The following EFCAB7 variants were observed in gnomAD, a reference collection of about 807,000 sequenced individuals.
EFCAB7 encodes EF-hand calcium-binding domain-containing protein 7.
In EFCAB7, 66 loss-of-function variants were observed where a neutral mutation model predicts 77.1. That is an observed-to-expected ratio of 0.86 (90% confidence interval 0.70 to 1.05). The LOEUF (loss-of-function observed/expected upper bound fraction) is 1.05, where lower values mean the gene tolerates loss of function less well. EFCAB7 is among the 50% of genes least tolerant of loss of function. The pLI is 0.00. For synonymous variants in EFCAB7, 225 were observed against 243.3 expected, an observed-to-expected ratio of 0.92 and a Z score of 0.70; for missense variants, 638 against 730.5, an observed-to-expected ratio of 0.87 and a Z score of 1.46.
intron 3 of EFCAB7, among the ~76,000 whole-genome samples, chr1:63,532,336 A>G (rs959655444): frequency 6.6e-6 from 1 of 152,116 alleles, no homozygotes; most frequent in African/African-American, 2.4e-5. Flanking sequence ...AAAACCAAAT[A>G]TAAATGGGAT....
intron 3 of EFCAB7, 127 bp from the exon 4 acceptor site, chr1:63,532,543 T>C (rs1471167100): frequency 6.4e-6 from 4 of 628,882 alleles, no homozygotes; most frequent in African/African-American, 5.7e-5. Flanking sequence ...ATAATACTCA[T>C]GATTTATAAT....
At chr1:63,528,829 A>G (rs571808008) in intron 2 of EFCAB7, among the ~76,000 whole-genome samples, 15 of 152,306 alleles carry the variant, frequency 9.8e-5, no homozygotes, top group African/African-American at 3.6e-4. Context: ...TGTGTTCTGT[A>G]TATGTACCAT....
chr1:63,531,268 G>A (rs895497464), intron 2 of EFCAB7, among the ~76,000 whole-genome samples: 4 of 151,866 alleles, frequency 2.6e-5, no homozygotes, highest in African/African-American at 9.7e-5. Flanking sequence ...TTCCACACAA[G>A]TGAGATACGC....
intron 8 of EFCAB7, chr1:63,554,958 T>A (rs971827389): frequency 6.8e-6 from 1 of 148,102 alleles, no homozygotes; most frequent in Non-Finnish European, 1.5e-5. Flanking sequence ...AACCATAATC[T>A]AGAATATTAT....
chr1:63,571,053 T>C lies in EFCAB7; in HGVS notation c.1740T>C (p.Asn580=). 6.2e-7 allele frequency: 1 copy of C among 1,612,312 alleles called. No individual in the cohort carries two copies. ...SDEKVIIHIS[N]ELSKNCINNR... is the part of the protein sequence containing the mutation. ...AGAAAGTGATTATTCACATCAGCAA[T>C]GAGCTAAGTAAAAACTGCATAAACA... The change falls in exon 13 of 14, where the codon AAT becomes AAC. Residue 580 remains asparagine, a synonymous_variant. Transcript: ENST00000371088.
At chr1:63,561,623 C>A (rs1196616769) in intron 10 of EFCAB7, 86 bp from the exon 11 acceptor site, 10 of 814,290 alleles carry the variant, frequency 1.2e-5, no homozygotes. Context: ...AAATAAATAT[C>A]TATGAATAAT....
Position 63,563,212 on chromosome 1 carries a change from C to G in EFCAB7, c.1497+1355C>G, listed in dbSNP as rs185213710. ...TGTCATTTACCTTTGAAACTATAAG[C>G]AAGAAGGATTTCTGAGCTAACATTT... On this transcript the variant is annotated intron_variant, in intron 11 of 13. Coordinates refer to ENST00000371088, the MANE Select transcript of EFCAB7 (RefSeq NM_032437.4). Among the ~76,000 whole-genome samples the G allele has an allele frequency of 2.6e-5, 4 of 152,220 alleles. No individual in the cohort carries two copies. The East Asian group carries it at 7.7e-4, about 29-fold the overall frequency.
chr1:63,525,376 C>A (rs541678874), intron 1 of EFCAB7, among the ~76,000 whole-genome samples, 196 bp from the exon 2 acceptor site: 91 of 152,056 alleles, frequency 6.0e-4, no homozygotes, highest in Non-Finnish European at 9.7e-4. Context: ...ATATATAATA[C>A]GTCCATATAC....
chr1:63,580,696 C>G, the EFCAB7 span, among the ~76,000 whole-genome samples: 1 of 152,130 alleles, frequency 6.6e-6, no homozygotes, highest in African/African-American at 2.4e-5. Flanking sequence ...TATGTTGACT[C>G]TTCCAATTCA....
intron 7 of EFCAB7, among the ~76,000 whole-genome samples, chr1:63,546,514 C>T (rs2100896503): frequency 6.6e-6 from 1 of 152,118 alleles, no homozygotes; most frequent in South Asian, 2.1e-4. Flanking sequence ...TACAGGTGCA[C>T]ACCACCTCGC....
intron 5 of EFCAB7, 45 bp from the exon 6 acceptor site, chr1:63,534,050 A>T: frequency 6.2e-7 from 1 of 1,608,194 alleles, no homozygotes; most frequent in Non-Finnish European, 8.5e-7. Context: ...ACTCCTATTG[A>T]CAACTTTTCA....
chr1:63,525,950 C>T (rs1191411479), intron 2 of EFCAB7, among the ~76,000 whole-genome samples, 191 bp downstream of exon 2: 1 of 152,104 alleles, frequency 6.6e-6, no homozygotes, highest in Non-Finnish European at 1.5e-5. Flanking sequence ...ATAAAACTTT[C>T]AATGTTTATA....
Position 63,534,168 on chromosome 1 carries a change from G to A in EFCAB7, c.756G>A (p.Gly252=). Residue 252 remains glycine, a synonymous_variant, in exon 6 of 14, where the codon GGG becomes GGA. Coordinates refer to ENST00000371088, the MANE Select transcript of EFCAB7 (RefSeq NM_032437.4). The part of the protein sequence containing the change: ...KTSVSFTVTM[G]ANGNRNSKLM... ...CTGTTTCCTTCACAGTTACCATGGG[G>A]GCTAATGGTAACCGAAACTCAAAGT... is the stretch of plus-strand genomic sequence containing the variant. 2.5e-6 allele frequency: 4 copies of A among 1,612,942 alleles called. No individual in the cohort carries two copies. Among genetic ancestry groups the A allele is most frequent in the Non-Finnish European group, 3.4e-6 (4 of 1,179,290 alleles).
downstream of EFCAB7, among the ~76,000 whole-genome samples, chr1:63,575,708 C>T (rs1254640324): frequency 9.2e-5 from 14 of 151,942 alleles, no homozygotes; most frequent in Non-Finnish European, 1.5e-4. Context: ...CTCAGCCTTC[C>T]GAGTAGCTGG....
chr1:63,568,665 G>T (rs958693529), intron 12 of EFCAB7, 146 bp downstream of exon 12: 14 of 570,936 alleles, frequency 2.5e-5, no homozygotes, highest in Non-Finnish European at 3.9e-5. Context: ...TTCTCCTCAG[G>T]TTTCTAACTC....
chr1:63,565,144 A>G (rs1647154589), intron 11 of EFCAB7, among the ~76,000 whole-genome samples: 3 of 152,138 alleles, frequency 2.0e-5, no homozygotes, highest in Non-Finnish European at 1.5e-5. Flanking sequence ...CAGGAGATCA[A>G]GACATCCTGG....
At chr1:63,557,760 C>G (rs1402415360) in intron 10 of EFCAB7, among the ~76,000 whole-genome samples, 1 of 152,174 alleles carries the variant, frequency 6.6e-6, no homozygotes, top group Non-Finnish European at 1.5e-5. Flanking sequence ...AAGAAAATCA[C>G]TGAGAATGAG....
At position 63,533,644 on chromosome 1, in the gene EFCAB7, A is replaced by T. The variant is rs766922228; in HGVS notation, c.677A>T (p.Asn226Ile). The change falls in exon 5 of 14, where the codon AAT becomes ATT. Residue 226 changes from asparagine to isoleucine, a missense_variant. Physicochemically the swap from Asn to Ile is moderately radical, Grantham distance 149. Transcript: ENST00000371088. ...TRKTDPETFL[N>I]KGDTRSSLLS... is the part of the protein sequence containing the mutation. ...AAAACTGATCCAGAAACATTCTTAA[A>T]TAAAGGTATTTACTTTTAACACTAA... The T allele has an allele frequency of 5.1e-6, 8 of 1,569,352 alleles. No individual in the cohort carries two copies. The highest frequency in any genetic ancestry group is 1.4e-5 in the African/African-American group (1 of 72,284).
intron 2 of EFCAB7, among the ~76,000 whole-genome samples, chr1:63,527,364 T>A (rs1449667535): frequency 6.6e-6 from 1 of 152,250 alleles, no homozygotes; most frequent in African/African-American, 2.4e-5. Context: ...TTAGATAAAC[T>A]ATTTTTTAAA....
Sources: gnomAD v4.1 joint callset for allele counts (sites outside exome capture counted in the v4.1 genomes callset) on GRCh38, gnomAD v4.1.1 for gene constraint, MANE v1.5 for transcripts, NCBI Gene and HGNC (gene_info 2026-07-23, HGNC 2026-07-21) for gene names.